Variants in LARP4B observed in about 807,000 individuals in gnomAD.
LARP4B encodes the protein La ribonucleoprotein 4B, also known as la-related protein 4B.
A neutral mutation model predicts 89.8 loss-of-function variants in LARP4B; 12 were observed. That is an observed-to-expected ratio of 0.13 (90% confidence interval 0.09 to 0.22). LARP4B has a LOEUF of 0.22. LARP4B is among the 10% of genes least tolerant of loss of function. The pLI is 1.00. For missense variants in LARP4B, 757 were observed against 947.7 expected (o/e 0.80, Z 2.64); for synonymous variants, 367 against 363.3 (o/e 1.01, Z -0.12).
At chr10:927,342 T>G (rs979137740) in intron 1 of LARP4B, among the ~76,000 whole-genome samples, 1 of 152,190 alleles carries the variant, frequency 6.6e-6, no homozygotes, top group Non-Finnish European at 1.5e-5. Flanking sequence ...TAATTTTCCT[T>G]GTTCCTAAGG....
At chr10:927,258 G>C (rs1837168735) in intron 1 of LARP4B, among the ~76,000 whole-genome samples, 1 of 152,056 alleles carries the variant, frequency 6.6e-6, no homozygotes, top group Non-Finnish European at 1.5e-5. Context: ...GCATTGAAGG[G>C]ACAAAAGGTA....
the LARP4B span, among the ~76,000 whole-genome samples, chr10:981,949 G>A: frequency 6.6e-6 from 1 of 152,118 alleles, no homozygotes. Context: ...TTGTTATTAT[G>A]TGTGGAACAG....
At chr10:906,295 G>A (rs1316921299) in intron 1 of LARP4B, among the ~76,000 whole-genome samples, 1 of 152,064 alleles carries the variant, frequency 6.6e-6, no homozygotes, top group Non-Finnish European at 1.5e-5. Flanking sequence ...ATTTGTTTTT[G>A]AGATACTCCA....
At chr10:958,188 C>T in the LARP4B span, among the ~76,000 whole-genome samples, 1 of 152,314 alleles carries the variant, frequency 6.6e-6, no homozygotes, top group East Asian at 1.9e-4. Context: ...CCGGTGCTCC[C>T]CGCAGCCCTT....
the LARP4B span, among the ~76,000 whole-genome samples, chr10:977,163 T>C: frequency 1.3e-5 from 2 of 152,114 alleles, no homozygotes; most frequent in Non-Finnish European, 2.9e-5. Context: ...TATTTATTTA[T>C]TATTTTTACA....
At chr10:963,621 G>T in the LARP4B span, among the ~76,000 whole-genome samples, 1 of 152,218 alleles carries the variant, frequency 6.6e-6, no homozygotes, top group Non-Finnish European at 1.5e-5. Context: ...AAGGGGAAAA[G>T]ATGCCTTCAG....
chr10:937,285 C>T, the LARP4B span, among the ~76,000 whole-genome samples: 6 of 152,118 alleles, frequency 3.9e-5, no homozygotes, highest in Admixed American at 1.3e-4. Flanking sequence ...TGAAGCAATC[C>T]GCTTACTTCG....
intron 1 of LARP4B, among the ~76,000 whole-genome samples, chr10:888,952 G>A (rs1835939666): frequency 1.3e-5 from 2 of 152,228 alleles, no homozygotes; most frequent in Admixed American, 6.5e-5. Flanking sequence ...GGGTGTGGTG[G>A]CACGTGCCTG....
At chr10:846,552 A>G (rs920624041) in intron 5 of LARP4B, among the ~76,000 whole-genome samples, 4 of 152,174 alleles carry the variant, frequency 2.6e-5, no homozygotes, top group African/African-American at 9.7e-5. Context: ...CACAGCTGAG[A>G]AGAGGGGTGA....
chr10:843,272 G>A (rs916104731), intron 6 of LARP4B, among the ~76,000 whole-genome samples: 1 of 152,174 alleles, frequency 6.6e-6, no homozygotes, highest in African/African-American at 2.4e-5. Flanking sequence ...GGCAGGGAGT[G>A]CAAAAGTAAA....
intron 3 of LARP4B, among the ~76,000 whole-genome samples, chr10:876,802 C>T (rs1835471610): frequency 1.3e-5 from 2 of 152,210 alleles, no homozygotes; most frequent in African/African-American, 4.8e-5. Context: ...AGTACAGGCT[C>T]TCTGCAGTGG....
intron 5 of LARP4B, among the ~76,000 whole-genome samples, chr10:862,525 C>T (rs1166265081): frequency 2.0e-5 from 3 of 152,046 alleles, no homozygotes; most frequent in Non-Finnish European, 2.9e-5. Flanking sequence ...ACATGAGAGG[C>T]CGAGGCGGGC....
intron 1 of LARP4B, among the ~76,000 whole-genome samples, chr10:923,093 G>A: frequency 6.6e-6 from 1 of 151,858 alleles, no homozygotes; most frequent in Non-Finnish European, 1.5e-5. Flanking sequence ...AACAAATCAT[G>A]CCAGACAGAA....
At chr10:829,616 T>TTA (rs138949987) in intron 10 of LARP4B, 22 bp from the exon 11 acceptor site, 42,711 of 1,612,052 alleles carry the variant, frequency 0.026, 766 homozygotes, top group Admixed American at 0.073. Context: ...TATGTAAGTT[T>TTA]CTATTAGAAT....
intron 1 of LARP4B, among the ~76,000 whole-genome samples, chr10:921,205 G>A (rs190110382): frequency 6.6e-6 from 1 of 152,058 alleles, no homozygotes; most frequent in East Asian, 1.9e-4. Flanking sequence ...CCCAGGAGGT[G>A]GAGGTTGCAG....
chr10:922,255 G>C (rs926706665), intron 1 of LARP4B, among the ~76,000 whole-genome samples: 1 of 152,164 alleles, frequency 6.6e-6, no homozygotes, highest in African/African-American at 2.4e-5. Flanking sequence ...AGAGGAGGTG[G>C]AGCTCAGGCA....
chr10:957,122 C>A, the LARP4B span, among the ~76,000 whole-genome samples: 1 of 152,098 alleles, frequency 6.6e-6, no homozygotes, highest in African/African-American at 2.4e-5. Context: ...CTCTTCCTTC[C>A]GGGGAATCTG....
chr10:937,726 G>T, the LARP4B span, among the ~76,000 whole-genome samples: 1 of 152,018 alleles, frequency 6.6e-6, no homozygotes, highest in Non-Finnish European at 1.5e-5. Context: ...AAATGTCAAG[G>T]TCATAAAAGA....
At chr10:827,275 C>CAAAGAAAAGAAAAAAA (rs1832683357) in intron 11 of LARP4B, among the ~76,000 whole-genome samples, 1 of 151,090 alleles carries the variant, frequency 6.6e-6, no homozygotes, top group Non-Finnish European at 1.5e-5. Flanking sequence ...GACTCTGTCT[C>CAAAGAAAAGAAAAAAA]AAAGAAAAAG....
Sources: allele counts gnomAD v4.1 joint callset (sites outside exome capture counted in the v4.1 genomes callset), GRCh38; gene constraint gnomAD v4.1.1; transcripts MANE v1.5; gene names NCBI Gene and HGNC (gene_info 2026-07-23, HGNC 2026-07-21).